Variants in EPM2A observed in about 807,000 individuals in gnomAD.
The protein encoded by EPM2A is EPM2A glucan phosphatase, laforin.
In EPM2A, 21 loss-of-function variants were observed where a neutral mutation model predicts 26.5. That is an observed-to-expected ratio of 0.79 (90% CI 0.56 to 1.14). The LOEUF (loss-of-function observed/expected upper bound fraction) is 1.14. Ranked by LOEUF, EPM2A falls within the 50% of genes most tolerant of loss-of-function variation. The pLI is 0.00. For missense variants in EPM2A, 458 were observed against 440.8 expected, an observed-to-expected ratio of 1.04 and a Z score of -0.35; for synonymous variants, 217 against 177.6, an observed-to-expected ratio of 1.22 and a Z score of -1.76.
chr6:145,489,659 C>T, intron 4 of EPM2A: 4 of 1,334,226 alleles, frequency 3.0e-6, no homozygotes, highest in Admixed American at 1.7e-5. Context: ...GCTGTTCTGT[C>T]CTCATTCTCT....
exon 5 of EPM2A, chr6:145,383,434 G>A (rs183827186): frequency 6.6e-6 from 1 of 152,300 alleles, no homozygotes; most frequent in African/African-American, 2.4e-5. Flanking sequence ...CAGCTTCCAG[G>A]GGGGCCTCAG....
Position 145,735,227 on chromosome 6 carries a change from C to T in EPM2A, c.272G>A (p.Arg91Gln), listed in dbSNP as rs767203075. Reference sequence around the variant, plus strand: ...CCAGGAGAGCTCTCCTCCCGGCTCCCGCTTCAGGAACTTGTACCAGAACGT... The same window carrying T: ...CCAGGAGAGCTCTCCTCCCGGCTCCTGCTTCAGGAACTTGTACCAGAACGT... ...VDTFWYKFLK[R>Q]EPGGELSWEG... Residue 91 changes from arginine to glutamine, a missense_variant, in exon 1 of 4, where the codon CGG becomes CAG. Transcript: ENST00000367519. 8.5e-6 allele frequency: 13 copies of T among 1,537,496 alleles called. No homozygotes were observed. The East Asian group carries it at 2.5e-4, about 30-fold the overall frequency.
At chr6:145,537,260 CAA>C (rs1019333078) in intron 2 of EPM2A, among the ~76,000 whole-genome samples, 93 of 152,216 alleles carry the variant, frequency 6.1e-4, no homozygotes, top group African/African-American at 2.1e-3. Flanking sequence ...AGTTGTGGGT[CAA>C]AGTTTCCTTT....
intron 2 of EPM2A, among the ~76,000 whole-genome samples, chr6:145,643,158 A>C (rs560550401): frequency 2.0e-5 from 3 of 152,338 alleles, no homozygotes; most frequent in African/African-American, 7.2e-5. Flanking sequence ...GGAAAAGAGA[A>C]GATTTAAACA....
intron 2 of EPM2A, among the ~76,000 whole-genome samples, chr6:145,510,348 C>G (rs965368316): frequency 6.6e-6 from 1 of 152,072 alleles, no homozygotes; most frequent in Non-Finnish European, 1.5e-5. Flanking sequence ...AACCATAAAG[C>G]AAGTCCTCAT....
rs780451711 is a variant in EPM2A at position 145,702,467 on chromosome 6, C to CAA, written c.302-16173_302-16172dup. On this transcript the variant is annotated intron_variant, in intron 1 of 3. Transcript: ENST00000367519. ...CAAACTGTGTCTGTTTTCTTATTTGCAAAAAGAAGAAAAAAAGAAAAAGAA... is the reference window on the plus strand; with the variant it reads ...CAAACTGTGTCTGTTTTCTTATTTGCAAAAAAAGAAGAAAAAAAGAAAAAGAA... Among the ~76,000 whole-genome samples the CAA allele has an allele frequency of 2.0e-5, 3 of 148,702 alleles. 1 individual carries two copies. Among genetic ancestry groups the CAA allele is most frequent in the African/African-American group, 7.7e-5 (3 of 39,154 alleles).
At chr6:145,518,595 CAAAAAAAAAAAAAAAAA>C (rs55802475) in intron 2 of EPM2A, among the ~76,000 whole-genome samples, 1 of 102,664 alleles carries the variant, frequency 9.7e-6, no homozygotes, top group South Asian at 2.7e-4. Flanking sequence ...TGAAATGCAC[CAAAAAAAAAAAAAAAAA>C]AAAAAAAAAA....
chr6:145,395,790 C>A (rs1182005649), intron 4 of EPM2A, among the ~76,000 whole-genome samples: 3 of 152,148 alleles, frequency 2.0e-5, no homozygotes, highest in Admixed American at 2.0e-4. Flanking sequence ...CTTACTCAAT[C>A]TGAATTTTAT....
chr6:145,524,021 T>C (rs1780237721), intron 2 of EPM2A, among the ~76,000 whole-genome samples: 1 of 152,216 alleles, frequency 6.6e-6, no homozygotes, highest in Non-Finnish European at 1.5e-5. Context: ...AGCTCCCATT[T>C]ACAAATGAGA....
chr6:145,552,940 C>A (rs1312907655), intron 2 of EPM2A, among the ~76,000 whole-genome samples: 3 of 151,926 alleles, frequency 2.0e-5, no homozygotes, highest in Non-Finnish European at 4.4e-5. Flanking sequence ...AGAAATTAAC[C>A]TTTATCTAAC....
chr6:145,476,053 G>C (rs1779539147), intron 4 of EPM2A, among the ~76,000 whole-genome samples: 1 of 151,942 alleles, frequency 6.6e-6, no homozygotes, highest in African/African-American at 2.4e-5. Context: ...GACACACATA[G>C]ACTGAAAATA....
intron 4 of EPM2A, among the ~76,000 whole-genome samples, chr6:145,481,917 C>T (rs1779615075): frequency 7.7e-6 from 1 of 130,574 alleles, no homozygotes; most frequent in Non-Finnish European, 1.8e-5. Flanking sequence ...TGGATGAATA[C>T]ATAAATAAGG....
chr6:145,449,626 A>T (rs1779171357), intron 4 of EPM2A, among the ~76,000 whole-genome samples: 1 of 152,212 alleles, frequency 6.6e-6, no homozygotes, highest in African/African-American at 2.4e-5. Context: ...CCCACTGGCT[A>T]ATTAGCACTT....
chr6:145,497,572 G>A (rs1268839679), downstream of EPM2A, among the ~76,000 whole-genome samples: 2 of 47,218 alleles, frequency 4.2e-5, no homozygotes, highest in Non-Finnish European at 9.9e-5. Context: ...TAGAGTAGCT[G>A]TGCTGTGCTG....
At chr6:145,719,605 T>G (rs1343367066) in intron 1 of EPM2A, among the ~76,000 whole-genome samples, 3 of 152,182 alleles carry the variant, frequency 2.0e-5, no homozygotes, top group African/African-American at 4.8e-5. Context: ...ACATGTACCC[T>G]AAAACTTAAA....
chr6:145,542,386 A>T (rs887762086), intron 2 of EPM2A, among the ~76,000 whole-genome samples: 4 of 152,226 alleles, frequency 2.6e-5, no homozygotes, highest in Admixed American at 2.0e-4. Flanking sequence ...ACAGTCATGC[A>T]TCCTGGATTG....
chr6:145,513,129 T>C (rs1159416654), intron 2 of EPM2A, among the ~76,000 whole-genome samples: 3 of 152,120 alleles, frequency 2.0e-5, no homozygotes, highest in South Asian at 2.1e-4. Context: ...ACCTTCAGAA[T>C]TGGAGAAAAT....
At chr6:145,496,557 G>A (rs1384164160) in intron 4 of EPM2A, among the ~76,000 whole-genome samples, 1 of 152,022 alleles carries the variant, frequency 6.6e-6, no homozygotes, top group Non-Finnish European at 1.5e-5. Context: ...TTGTCTGCCA[G>A]CCTGATTTCA....
At chr6:145,499,613 A>G (rs1433904329), downstream of EPM2A, among the ~76,000 whole-genome samples, 1 of 152,246 alleles carries the variant, frequency 6.6e-6, no homozygotes, top group African/African-American at 2.4e-5. Flanking sequence ...GTAAATACTC[A>G]GAAATATTGT....
Sources: allele counts gnomAD v4.1 joint callset (sites outside exome capture counted in the v4.1 genomes callset), GRCh38; gene constraint gnomAD v4.1.1; transcripts MANE v1.5; gene names NCBI Gene and HGNC (gene_info 2026-07-23, HGNC 2026-07-21).